COMMD6: variants seen among roughly 807,000 people sequenced by gnomAD.
COMMD6 encodes COMM domain containing 6, also known as COMM domain-containing protein 6.
Under a neutral mutation model 13.4 loss-of-function variants are expected in COMMD6, and 11 were observed. That is an observed-to-expected ratio of 0.82 (90% confidence interval 0.52 to 1.36). COMMD6 has a LOEUF of 1.36. Among genes scored for constraint, COMMD6 ranks in the 40% most tolerant of loss-of-function variants. COMMD6 has a pLI of 0.00. For synonymous variants in COMMD6, 43 were observed against 36.5 expected (o/e 1.18, Z -0.64); for missense variants, 124 against 102.4 (o/e 1.21, Z -0.91).
intron 1 of COMMD6, among the ~76,000 whole-genome samples, chr13:75,547,591 T>C (rs1264935100): frequency 6.6e-6 from 1 of 152,190 alleles, no homozygotes; most frequent in Non-Finnish European, 1.5e-5. Flanking sequence ...CAGGTGTTTT[T>C]ATGCACCTCT....
chr13:75,542,649 T>C (rs1177405370), upstream of COMMD6, among the ~76,000 whole-genome samples: 1 of 152,114 alleles, frequency 6.6e-6, no homozygotes. Flanking sequence ...CACAATTACA[T>C]AAAAAGGGGG....
intron 1 of COMMD6, among the ~76,000 whole-genome samples, chr13:75,548,702 C>T (rs910128271): frequency 2.0e-5 from 3 of 152,010 alleles, no homozygotes; most frequent in African/African-American, 7.3e-5. Flanking sequence ...AGATGTTTAC[C>T]GAGCATTTTC....
chr13:75,541,484 A>G (rs192826733), upstream of COMMD6, among the ~76,000 whole-genome samples: 20 of 152,068 alleles, frequency 1.3e-4, no homozygotes, highest in South Asian at 4.2e-4. Flanking sequence ...CTTATGACTC[A>G]TGATCCAAGG....
Position 75,537,750 on chromosome 13 carries a change from A to C in COMMD6, c.42+14T>G. 1.9e-6 allele frequency: 3 copies of C among 1,613,794 alleles called. No individual in the cohort carries two copies. Among genetic ancestry groups the C allele is most frequent in the Non-Finnish European group, 2.5e-6 (3 of 1,179,858 alleles). On this transcript the variant is annotated intron_variant, in intron 1 of 3. Transcript: ENST00000682242. ...GAGCCTCGCTGCCCACTCTCCTTCC[A>C]GGTTGGAACTCACATCGGACTTAGC...
intron 2 of COMMD6, chr13:75,537,304 AACTT>A (rs1042054264): frequency 1.3e-6 from 2 of 1,544,206 alleles, no homozygotes; most frequent in African/African-American, 2.7e-5. Flanking sequence ...CTTCAAAAAT[AACTT>A]AGAGACTAAG....
At chr13:75,528,607 A>G (rs1420319456) in intron 3 of COMMD6, among the ~76,000 whole-genome samples, 1 of 152,122 alleles carries the variant, frequency 6.6e-6, no homozygotes, top group Non-Finnish European at 1.5e-5. Flanking sequence ...CAGGAGTTTC[A>G]GAAGTGGATG....
In COMMD6 at chr13:75,537,818, G is replaced by C. The variant is rs957288824; in HGVS notation, c.-13C>G. ...TGGACGCCTCCATGGGCAGCGTCTG[G>C]GACTTGCGGCCCGGACTCGAGAGAA... On this transcript the variant is annotated 5_prime_UTR_variant, in exon 1 of 4. Transcript: ENST00000682242. The C allele has an allele frequency of 1.9e-6, 3 of 1,593,020 alleles. No homozygotes were observed. The highest frequency in any genetic ancestry group is 1.7e-5 in the Admixed American group (1 of 58,002).
upstream of COMMD6, among the ~76,000 whole-genome samples, chr13:75,539,802 C>A (rs9530445): frequency 0.76 from 113,974 of 150,898 alleles, 44,563 homozygotes; most frequent in East Asian, 1. Context: ...AACAAAAAAA[C>A]CCCCCACTGA....
upstream of COMMD6, chr13:75,537,847 C>A (rs1246155646): frequency 6.4e-7 from 1 of 1,550,592 alleles, no homozygotes; most frequent in South Asian, 1.2e-5. Context: ...GAGAGAACGC[C>A]CCCAGACCAG....
upstream of COMMD6, among the ~76,000 whole-genome samples, chr13:75,542,904 G>C (rs1471296454): frequency 6.6e-6 from 1 of 152,152 alleles, no homozygotes; most frequent in Non-Finnish European, 1.5e-5. Flanking sequence ...AGCTAGAATG[G>C]GCACATTAGC....
chr13:75,528,089 GTTAA>G (rs1252720820), intron 3 of COMMD6, among the ~76,000 whole-genome samples: 3 of 151,210 alleles, frequency 2.0e-5, no homozygotes, highest in Admixed American at 6.6e-5. Flanking sequence ...GGGTGGATGT[GTTAA>G]TTAGAGTGAC....
At chr13:75,543,379 C>G (rs950829539), upstream of COMMD6, among the ~76,000 whole-genome samples, 1 of 152,138 alleles carries the variant, frequency 6.6e-6, no homozygotes, top group African/African-American at 2.4e-5. Flanking sequence ...ATGGACTCTC[C>G]CTTATATCTC....
intron 3 of COMMD6, among the ~76,000 whole-genome samples, chr13:75,529,185 G>C (rs1038708572): frequency 9.2e-5 from 14 of 152,016 alleles, no homozygotes; most frequent in Admixed American, 8.5e-4. Flanking sequence ...AACTGTACAG[G>C]ACAGTTAAAT....
chr13:75,530,111 A>C lies in COMMD6; in HGVS notation c.207+3T>G. On this transcript the variant is annotated splice_donor_region_variant and intron_variant, in intron 3 of 3. Transcript: ENST00000682242. ...CTAAAACTGGATGAGTTAAATCACA[A>C]ACCTGAAACTGTGGAATCGTCATTT... The C allele has an allele frequency of 6.2e-7, 1 of 1,608,972 alleles. No individual in the cohort carries two copies. The highest frequency in any genetic ancestry group is 8.5e-7 in the Non-Finnish European group (1 of 1,177,778).
chr13:75,527,891 CTT>C, intron 3 of COMMD6: 1 of 1,482,338 alleles, frequency 6.7e-7, no homozygotes, highest in South Asian at 1.5e-5. Flanking sequence ...AAGGTACAAA[CTT>C]TTGGTTACAA....
chr13:75,529,260 CCTGTAAT>C (rs1268579986), intron 3 of COMMD6, among the ~76,000 whole-genome samples: 1 of 152,156 alleles, frequency 6.6e-6, no homozygotes, highest in African/African-American at 2.4e-5. Context: ...GTGGCTCACG[CCTGTAAT>C]CCTGGCACTT....
intron 2 of COMMD6, among the ~76,000 whole-genome samples, chr13:75,536,982 T>G (rs931853101): frequency 6.6e-6 from 1 of 152,166 alleles, no homozygotes; most frequent in Non-Finnish European, 1.5e-5. Context: ...GAAAGCAAGA[T>G]CAGTTAGAGA....
chr13:75,535,018 T>C (rs118037415), intron 2 of COMMD6, among the ~76,000 whole-genome samples: 223 of 152,360 alleles, frequency 1.5e-3, no homozygotes, highest in Non-Finnish European at 2.5e-3. Flanking sequence ...GGTAGTATTA[T>C]AGCGTGACGA....
chr13:75,541,486 G>C (rs1033634505), upstream of COMMD6, among the ~76,000 whole-genome samples: 1 of 151,940 alleles, frequency 6.6e-6, no homozygotes, highest in African/African-American at 2.4e-5. Flanking sequence ...TATGACTCAT[G>C]ATCCAAGGAG....
Sources: allele counts gnomAD v4.1 joint callset (sites outside exome capture counted in the v4.1 genomes callset), GRCh38; gene constraint gnomAD v4.1.1; transcripts MANE v1.5; gene names NCBI Gene and HGNC (gene_info 2026-07-23, HGNC 2026-07-21).